Variants in ITGAV observed in about 807,000 individuals in gnomAD.
ITGAV encodes the protein integrin subunit alpha V.
ITGAV carries 76 observed loss-of-function variants against 143.8 expected under a neutral mutation model. The observed-to-expected ratio is 0.53, with a 90% CI of 0.44 to 0.64. The LOEUF is 0.64. ITGAV is among the 30% of genes least tolerant of loss of function. The pLI, the probability that ITGAV is intolerant of heterozygous loss-of-function variation, is 0.00. For missense variants in ITGAV, 1,193 were observed against 1,274.7 expected (o/e 0.94, Z 0.98); for synonymous variants, 453 against 446.7 (o/e 1.01, Z -0.18).
chr2:186,618,829 A>C (rs935105080), intron 2 of ITGAV, among the ~76,000 whole-genome samples: 19 of 152,212 alleles, frequency 1.2e-4, no homozygotes, highest in African/African-American at 4.6e-4. Context: ...TACAGCTACT[A>C]TGGAGTACAG....
chr2:186,671,961 T>TTC (rs57692624), intron 26 of ITGAV, among the ~76,000 whole-genome samples: 71 of 150,056 alleles, frequency 4.7e-4, no homozygotes, highest in African/African-American at 1.5e-3. Flanking sequence ...TTTTTTTTTT[T>TTC]CTTTTTTTGA....
intron 2 of ITGAV, among the ~76,000 whole-genome samples, chr2:186,610,720 G>T (rs948883418): frequency 6.6e-6 from 1 of 152,140 alleles, no homozygotes; most frequent in Non-Finnish European, 1.5e-5. Flanking sequence ...TTTTGGGTAT[G>T]ATTTCTTTGT....
rs756537788 is a variant in ITGAV, at chr2:186,656,272, T to C, written c.1590T>C (p.Asp530=). The change falls in exon 17 of 30, where the codon GAT becomes GAC. Residue 530 remains aspartate (D), a synonymous_variant. Coordinates refer to ENST00000261023, the MANE Select transcript of ITGAV (RefSeq NM_002210.5). The part of the protein sequence containing the change: ...KLNFQVELLL[D]KLKQKGAIRR... ...ATTTCCAGGTGGAACTTCTTTTGGA[T>C]AAACTCAAGCAAAAGGGAGCAATTC... 1 of 1,583,586 alleles carries C rather than the reference T, an allele frequency of 6.3e-7. No homozygotes were observed. Among genetic ancestry groups the C allele is most frequent in the Non-Finnish European group, 8.6e-7 (1 of 1,169,454 alleles).
chr2:186,649,830 C>A lies in ITGAV; in HGVS notation c.1352-10C>A. 1 of 1,570,572 alleles carries A rather than the reference C, an allele frequency of 6.4e-7. No homozygotes were observed. Among genetic ancestry groups the A allele is most frequent in the Non-Finnish European group, 8.7e-7 (1 of 1,153,512 alleles). On this transcript the variant is annotated splice_polypyrimidine_tract_variant and intron_variant, in intron 13 of 29. Transcript: ENST00000261023. ...ATCATTATTAACATGTTTTTCCACTCTTTCTTAAGACTTAATTGTAGGAGC... is the reference window on the plus strand; with the variant it reads ...ATCATTATTAACATGTTTTTCCACTATTTCTTAAGACTTAATTGTAGGAGC...
Position 186,621,569 on chromosome 2 carries a change from C to T in ITGAV, c.317-770C>T, listed in dbSNP as rs1204213349. ...GGACATAAAATTCAATCAAAGATCA[C>T]ATCTTGCATTCGGTCGACATGTCTT... On this transcript the variant is annotated intron_variant, in intron 2 of 29. Coordinates refer to ENST00000261023, the MANE Select transcript of ITGAV (RefSeq NM_002210.5). Among the ~76,000 whole-genome samples the T allele has an allele frequency of 2.0e-5, 3 of 152,168 alleles. No homozygotes were observed. In the East Asian group the frequency reaches 5.8e-4, roughly 29 times the overall value.
chr2:186,676,227 C>G, intron 28 of ITGAV: 1 of 244,958 alleles, frequency 4.1e-6, no homozygotes, highest in East Asian at 9.6e-5. Flanking sequence ...TGGAAATTAA[C>G]TGCAACAAGT....
At chr2:186,668,511 T>G in intron 24 of ITGAV, 1 of 355,108 alleles carries the variant, frequency 2.8e-6, no homozygotes, top group South Asian at 2.6e-5. Flanking sequence ...AGTGCTGGGA[T>G]TACAGGCATG....
chr2:186,639,651 G>A (rs951438611), intron 10 of ITGAV, among the ~76,000 whole-genome samples: 1 of 152,098 alleles, frequency 6.6e-6, no homozygotes, highest in African/African-American at 2.4e-5. Flanking sequence ...GGACAAACCT[G>A]GGTTTTCCAT....
In ITGAV at chr2:186,660,627, A is replaced by G. The variant is rs534772871; in HGVS notation, c.1857+1452A>G. 11 of 152,298 alleles carry G rather than the reference A, an allele frequency of 7.2e-5. No homozygotes were observed. In the East Asian group the frequency reaches 1.9e-3, roughly 27 times the overall value. 9.4% of individuals were successfully genotyped at this position (152,298 alleles called of 1,614,324 possible). A position where few individuals can be genotyped will look rare whatever the true frequency, so the allele number is the denominator to read the frequency against. ...GTTTTAATTGTAATTTTTAATTTGT[A>G]ATTTTTAATTTGCTGGTTAGCAACA... On this transcript the variant is annotated intron_variant, in intron 18 of 29. Transcript: ENST00000261023.
chr2:186,638,720 C>T, intron 10 of ITGAV, among the ~76,000 whole-genome samples: 1 of 143,536 alleles, frequency 7.0e-6, no homozygotes, highest in African/African-American at 2.6e-5. Flanking sequence ...TTTTGTCTTG[C>T]CTTTTTCACT....
At position 186,590,240 on chromosome 2, in the gene ITGAV, G is replaced by C; in HGVS notation, c.-99G>C. The C allele has an allele frequency of 9.3e-7, 1 of 1,073,990 alleles. No individual in the cohort carries two copies. The highest frequency in any genetic ancestry group is 1.2e-6 in the Non-Finnish European group (1 of 812,110). 66.5% of individuals were successfully genotyped at this position (1,073,990 alleles called of 1,614,324 possible). On this transcript the variant is annotated 5_prime_UTR_variant, in exon 1 of 30. Transcript: ENST00000261023. ...CGAGAAGAGAGCGGCCGGCAAGTTT[G>C]GGCGCGCGCAGGCGGCGGGCCGCGG...
At chr2:186,618,018 C>T (rs1687415133) in intron 2 of ITGAV, among the ~76,000 whole-genome samples, 1 of 152,206 alleles carries the variant, frequency 6.6e-6, no homozygotes, top group South Asian at 2.1e-4. Flanking sequence ...TTACTTCACT[C>T]ATGTGCCTCA....
chr2:186,648,474 CT>C (rs928564109), intron 13 of ITGAV, among the ~76,000 whole-genome samples: 1 of 151,834 alleles, frequency 6.6e-6, no homozygotes, highest in East Asian at 1.9e-4. Flanking sequence ...GAGTTTGATT[CT>C]TTTTTTTGAG....
At chr2:186,608,619 G>A (rs983562919) in intron 2 of ITGAV, among the ~76,000 whole-genome samples, 4 of 151,706 alleles carry the variant, frequency 2.6e-5, no homozygotes, top group African/African-American at 9.7e-5. Context: ...ATTTTTTGTT[G>A]ATTTTTTTTT....
At chr2:186,653,690 C>T (rs1040034223) in intron 15 of ITGAV, among the ~76,000 whole-genome samples, 1 of 152,082 alleles carries the variant, frequency 6.6e-6, no homozygotes, top group African/African-American at 2.4e-5. Flanking sequence ...CCCTGCATAC[C>T]TCTGTGAAGT....
chr2:186,630,272 A>C (rs1361555746), intron 4 of ITGAV, among the ~76,000 whole-genome samples: 1 of 151,974 alleles, frequency 6.6e-6, no homozygotes, highest in Non-Finnish European at 1.5e-5. Flanking sequence ...AAGACAGAGG[A>C]ATTTCATATT....
At chr2:186,615,374 T>C (rs189579672) in intron 2 of ITGAV, among the ~76,000 whole-genome samples, 23 of 152,236 alleles carry the variant, frequency 1.5e-4, no homozygotes, top group Admixed American at 1.4e-3. Flanking sequence ...TTTTAAAAAC[T>C]GTCAAACTAT....
chr2:186,669,264 G>A (rs1475051796), intron 25 of ITGAV, among the ~76,000 whole-genome samples: 1 of 152,132 alleles, frequency 6.6e-6, no homozygotes, highest in East Asian at 1.9e-4. Flanking sequence ...CTACCTTTGG[G>A]ATAAGCTATA....
chr2:186,671,455 CT>C (rs1689061153), intron 26 of ITGAV, among the ~76,000 whole-genome samples: 1 of 152,114 alleles, frequency 6.6e-6, no homozygotes, highest in Non-Finnish European at 1.5e-5. Flanking sequence ...TCCAGATATC[CT>C]TGTGGCTTAT....
Sources: gnomAD v4.1 joint callset for allele counts (sites outside exome capture counted in the v4.1 genomes callset) on GRCh38, gnomAD v4.1.1 for gene constraint, MANE v1.5 for transcripts, NCBI Gene and HGNC (gene_info 2026-07-23, HGNC 2026-07-21) for gene names.